The following TMTC2 variants were observed in gnomAD, a reference collection of about 807,000 sequenced individuals.
The protein encoded by TMTC2 is transmembrane O-mannosyltransferase targeting cadherins 2, also known as protein O-mannosyl-transferase TMTC2.
In TMTC2, 43 loss-of-function variants were observed where a neutral mutation model predicts 82.4. The ratio of observed to expected loss-of-function variants is 0.52; its 90% confidence interval spans 0.41 to 0.67. TMTC2 has a LOEUF of 0.67. Among genes scored for constraint, TMTC2 ranks in the 30% least tolerant of loss-of-function variants. The probability of loss-of-function intolerance (pLI) is 0.00; values close to 1 mark genes in which losing one functional copy is unlikely to be tolerated. For missense variants in TMTC2, 919 were observed against 1,012.4 expected, an observed-to-expected ratio of 0.91 and a Z score of 1.25; for synonymous variants, 408 against 381.9, an observed-to-expected ratio of 1.07 and a Z score of -0.80.
intron 1 of TMTC2, among the ~76,000 whole-genome samples, chr12:82,695,340 A>G (rs559699617): frequency 6.6e-6 from 1 of 152,276 alleles, no homozygotes; most frequent in East Asian, 1.9e-4. Context: ...GCTTATATGT[A>G]TTCTATAAAG....
In TMTC2 at chr12:82,687,232, G is replaced by C. The variant is rs1315267262; in HGVS notation, c.-355G>C. The C allele has an allele frequency of 3.0e-6, 1 of 335,782 alleles. No homozygotes were observed. Among genetic ancestry groups the C allele is most frequent in the Non-Finnish European group, 5.7e-6 (1 of 176,772 alleles). The allele number at this position is 335,782 out of a possible 1,614,324, so 20.8% of individuals were successfully genotyped here. ...TCCTCCGAGTCCCACTCCTCACCTAGGACGCCCCAAACTGCCATGGGTTAG... is the reference window on the plus strand; with the variant it reads ...TCCTCCGAGTCCCACTCCTCACCTACGACGCCCCAAACTGCCATGGGTTAG... On this transcript the variant is annotated 5_prime_UTR_variant, in exon 1 of 12. The change abolishes the stop of an existing upstream ORF in the 5' untranslated region. Transcript: ENST00000321196.
At chr12:82,801,487 A>C (rs1878996317) in intron 1 of TMTC2, among the ~76,000 whole-genome samples, 1 of 152,110 alleles carries the variant, frequency 6.6e-6, no homozygotes, top group Admixed American at 6.6e-5. Flanking sequence ...ATCTGGCCCC[A>C]CCCACATCCT....
chr12:82,783,763 A>G (rs1878027818), intron 1 of TMTC2, among the ~76,000 whole-genome samples: 1 of 151,976 alleles, frequency 6.6e-6, no homozygotes, highest in South Asian at 2.1e-4. Flanking sequence ...TCAAGGGTAC[A>G]AGCTTCTGCA....
rs1433596241 is a variant in TMTC2 at position 83,134,473 on chromosome 12, G to T, written c.*2084G>T. On this transcript the variant is annotated 3_prime_UTR_variant, in exon 12 of 12. Coordinates refer to ENST00000321196, the MANE Select transcript of TMTC2 (RefSeq NM_152588.3). ...TAGGTTCACTGAATGCACAGTTGAGGCACTTCTTGTGACACCAGTTCCCAA... is the reference window on the plus strand; with the variant it reads ...TAGGTTCACTGAATGCACAGTTGAGTCACTTCTTGTGACACCAGTTCCCAA... 2 of 152,058 alleles carry T rather than the reference G, an allele frequency of 1.3e-5. No individual in the cohort carries two copies. The highest frequency in any genetic ancestry group is 2.9e-5 in the Non-Finnish European group (2 of 68,022). The allele number at this position is 152,058 out of a possible 1,614,324, so 9.4% of individuals were successfully genotyped here.
chr12:83,065,024 T>C (rs1882868917), intron 11 of TMTC2, among the ~76,000 whole-genome samples: 1 of 151,932 alleles, frequency 6.6e-6, no homozygotes, highest in Admixed American at 6.6e-5. Flanking sequence ...AAGCATTTTC[T>C]TCTATTTTTA....
At chr12:83,027,034 T>G (rs1172814945) in intron 8 of TMTC2, among the ~76,000 whole-genome samples, 1 of 151,788 alleles carries the variant, frequency 6.6e-6, no homozygotes, top group East Asian at 1.9e-4. Flanking sequence ...GGATGGTGGT[T>G]TTTTTTTGTT....
chr12:82,761,775 C>G (rs1410556944), intron 1 of TMTC2, among the ~76,000 whole-genome samples: 1 of 152,144 alleles, frequency 6.6e-6, no homozygotes, highest in Non-Finnish European at 1.5e-5. Flanking sequence ...CAGTGCAACC[C>G]AGCAACAACT....
intron 1 of TMTC2, among the ~76,000 whole-genome samples, chr12:82,820,535 C>T (rs371330301): frequency 3.3e-5 from 5 of 152,022 alleles, no homozygotes; most frequent in South Asian, 2.1e-4. Flanking sequence ...CCACCACACC[C>T]GGCTAATTTT....
intron 2 of TMTC2, among the ~76,000 whole-genome samples, chr12:82,876,177 C>CATAATGGTGGTGGTGGTGG (rs1872566617): frequency 8.3e-6 from 1 of 120,110 alleles, no homozygotes; most frequent in South Asian, 2.3e-4. Context: ...TGTTGTTGAT[C>CATAATGGTGGTGGTGGTGG]GGGTGGTAGT....
intron 4 of TMTC2, among the ~76,000 whole-genome samples, chr12:82,940,508 C>T (rs1876655160): frequency 6.6e-6 from 1 of 151,288 alleles, no homozygotes; most frequent in Non-Finnish European, 1.5e-5. Context: ...TACATTTTTT[C>T]CTAGATATGC....
intron 11 of TMTC2, among the ~76,000 whole-genome samples, chr12:83,083,877 T>C (rs1233075184): frequency 6.6e-6 from 1 of 152,210 alleles, no homozygotes; most frequent in Non-Finnish European, 1.5e-5. Flanking sequence ...CAAGAGCACA[T>C]TGAGAGGCTG....
intron 1 of TMTC2, among the ~76,000 whole-genome samples, chr12:82,785,175 T>C (rs1303413625): frequency 1.3e-5 from 2 of 152,034 alleles, no homozygotes; most frequent in Non-Finnish European, 2.9e-5. Context: ...CTGCTGGGAA[T>C]CTCTTGAGCA....
intron 1 of TMTC2, among the ~76,000 whole-genome samples, chr12:82,781,060 C>T (rs111535185): frequency 1.2e-3 from 187 of 151,656 alleles, no homozygotes; most frequent in African/African-American, 4.3e-3. Context: ...ATTTTTTTAC[C>T]TTAAATGCAT....
intron 3 of TMTC2, among the ~76,000 whole-genome samples, chr12:82,896,868 TCTGA>T (rs1873716540): frequency 6.6e-6 from 1 of 152,216 alleles, no homozygotes; most frequent in African/African-American, 2.4e-5. Context: ...TTTCTGTGTT[TCTGA>T]CTATGTTTGT....
intron 11 of TMTC2, among the ~76,000 whole-genome samples, chr12:83,113,677 A>G (rs1289040397): frequency 6.6e-6 from 1 of 152,204 alleles, no homozygotes; most frequent in African/African-American, 2.4e-5. Context: ...GGAATATCTT[A>G]TGAAATTATT....
At chr12:82,976,527 C>G (rs1341047189) in intron 7 of TMTC2, among the ~76,000 whole-genome samples, 1 of 151,972 alleles carries the variant, frequency 6.6e-6, no homozygotes, top group Non-Finnish European at 1.5e-5. Context: ...TGAATCTTTT[C>G]CTAACTTTTC....
intron 1 of TMTC2, among the ~76,000 whole-genome samples, chr12:82,777,579 G>A (rs578094060): frequency 6.6e-6 from 1 of 152,192 alleles, no homozygotes; most frequent in Admixed American, 6.5e-5. Context: ...CTGCTAAACT[G>A]TTAAACTTAT....
intron 10 of TMTC2, among the ~76,000 whole-genome samples, chr12:83,061,394 A>G (rs1340682169): frequency 6.6e-6 from 1 of 151,774 alleles, no homozygotes; most frequent in African/African-American, 2.4e-5. Context: ...CGAAAGCAAT[A>G]ATTACTAATT....
chr12:82,699,523 GCT>G (rs2136896453), intron 1 of TMTC2, among the ~76,000 whole-genome samples: 1 of 152,130 alleles, frequency 6.6e-6, no homozygotes, highest in South Asian at 2.1e-4. Flanking sequence ...TTTGGAATAC[GCT>G]CATATTCAGA....
Sources: gnomAD v4.1 joint callset for allele counts (sites outside exome capture counted in the v4.1 genomes callset) on GRCh38, gnomAD v4.1.1 for gene constraint, MANE v1.5 for transcripts, NCBI Gene and HGNC (gene_info 2026-07-23, HGNC 2026-07-21) for gene names.